ANP32A: variants seen among roughly 807,000 people sequenced by gnomAD.
The protein encoded by ANP32A is acidic nuclear phosphoprotein 32 family member A, also known as acidic leucine-rich nuclear phosphoprotein 32 family member A.
ANP32A carries 1 observed loss-of-function variant against 33.9 expected under a neutral mutation model. The ratio of observed to expected loss-of-function variants is 0.03; its 90% CI spans 0.01 to 0.14. ANP32A has a LOEUF of 0.14. Among genes scored for constraint, ANP32A ranks in the 10% least tolerant of loss-of-function variants. ANP32A has a pLI of 1.00. For missense variants in ANP32A, 155 were observed against 306.0 expected (o/e 0.51, Z 3.68); for synonymous variants, 115 against 120.5 (o/e 0.95, Z 0.30).
At chr15:68,817,192 G>A (rs776296696) in intron 1 of ANP32A, among the ~76,000 whole-genome samples, 4 of 152,194 alleles carry the variant, frequency 2.6e-5, no homozygotes, top group Non-Finnish European at 5.9e-5. Flanking sequence ...GTCAACATCC[G>A]GAGAAAGGCG....
At chr15:68,804,959 C>T (rs1252926695) in intron 1 of ANP32A, among the ~76,000 whole-genome samples, 1 of 152,222 alleles carries the variant, frequency 6.6e-6, no homozygotes, top group Non-Finnish European at 1.5e-5. Context: ...AGGATTCCTG[C>T]TTTTAGATGA....
chr15:68,795,374 C>T (rs557803493), intron 1 of ANP32A, among the ~76,000 whole-genome samples: 1 of 152,258 alleles, frequency 6.6e-6, no homozygotes, highest in Non-Finnish European at 1.5e-5. Flanking sequence ...GCACATGGCC[C>T]GGGGAAGTCG....
intron 1 of ANP32A, among the ~76,000 whole-genome samples, chr15:68,804,856 A>T (rs1894193925): frequency 6.6e-6 from 1 of 152,256 alleles, no homozygotes; most frequent in South Asian, 2.1e-4. Context: ...TGGGCATGAA[A>T]TTATCCAGCC....
chr15:68,807,426 A>AT (rs1256908259), intron 1 of ANP32A, among the ~76,000 whole-genome samples: 3 of 32,936 alleles, frequency 9.1e-5, no homozygotes, highest in Non-Finnish European at 6.3e-4. Flanking sequence ...TCCACAGAAA[A>AT]CGGGGGGGGG....
intron 1 of ANP32A, among the ~76,000 whole-genome samples, chr15:68,813,962 C>T (rs1424431049): frequency 2.0e-5 from 3 of 147,870 alleles, no homozygotes; most frequent in Non-Finnish European, 4.4e-5. Context: ...TTCTGCCTCC[C>T]GGGTTCACGG....
intron 1 of ANP32A, among the ~76,000 whole-genome samples, chr15:68,819,452 G>A (rs1327880309): frequency 6.6e-6 from 1 of 152,204 alleles, no homozygotes; most frequent in Non-Finnish European, 1.5e-5. Flanking sequence ...AGTTTCCTCC[G>A]GCCGTGCTCC....
At chr15:68,782,020 G>A (rs1312406535) in intron 5 of ANP32A, among the ~76,000 whole-genome samples, 1 of 152,216 alleles carries the variant, frequency 6.6e-6, no homozygotes, top group East Asian at 1.9e-4. Context: ...ATCCTCCATT[G>A]AGGGAGACAG....
intron 1 of ANP32A, among the ~76,000 whole-genome samples, chr15:68,788,740 A>G (rs1893964411): frequency 6.6e-6 from 1 of 152,200 alleles, no homozygotes; most frequent in Non-Finnish European, 1.5e-5. Flanking sequence ...GAGAATGGAA[A>G]CCCACAAACT....
chr15:68,817,532 G>A (rs913779649), intron 1 of ANP32A: 5 of 152,564 alleles, frequency 3.3e-5, no homozygotes, highest in Non-Finnish European at 7.3e-5. Context: ...AGAACCTCAT[G>A]TTTAATGTTC....
intron 3 of ANP32A, chr15:68,787,195 G>A (rs1893943786): frequency 1.7e-6 from 1 of 597,554 alleles, no homozygotes. Context: ...TACAATAGCT[G>A]CCCATTCTGT....
chr15:68,779,904 C>T lies in ANP32A; in HGVS notation c.*177G>A, dbSNP rs1361821356. ...TAAAAATAGTATTTTATTCCACCCC[C>T]ACCCGCCATCCCTCCCCCCGCAACC... On this transcript the variant is annotated 3_prime_UTR_variant, in exon 7 of 7. Transcript: ENST00000465139. 3.8e-6 allele frequency: 2 copies of T among 529,408 alleles called. No individual in the cohort carries two copies. The highest frequency in any genetic ancestry group is 6.7e-6 in the Non-Finnish European group (2 of 298,592). 32.8% of individuals were successfully genotyped at this position (529,408 alleles called of 1,614,324 possible). A position where few individuals can be genotyped will look rare whatever the true frequency, so the allele number is the denominator to read the frequency against.
At chr15:68,786,251 G>GC (rs1893931230) in intron 3 of ANP32A, among the ~76,000 whole-genome samples, 1 of 135,644 alleles carries the variant, frequency 7.4e-6, no homozygotes, top group East Asian at 2.2e-4. Context: ...TGCTGCTGCT[G>GC]CTTTTTTTTT....
intron 1 of ANP32A, among the ~76,000 whole-genome samples, chr15:68,816,665 C>T (rs571188811): frequency 1.3e-5 from 2 of 152,164 alleles, no homozygotes; most frequent in South Asian, 2.1e-4. Flanking sequence ...AGGATTATTC[C>T]GTTTTACAGG....
At chr15:68,795,435 C>T (rs1894051589) in intron 1 of ANP32A, among the ~76,000 whole-genome samples, 2 of 152,202 alleles carry the variant, frequency 1.3e-5, no homozygotes, top group South Asian at 2.1e-4. Flanking sequence ...AGCTGAGGCG[C>T]GCTGCAGCGG....
chr15:68,814,311 G>C (rs1368730373), intron 1 of ANP32A, among the ~76,000 whole-genome samples: 5 of 152,142 alleles, frequency 3.3e-5, no homozygotes, highest in African/African-American at 1.2e-4. Flanking sequence ...TGTAATCCCA[G>C]CGCTTTGGGA....
chr15:68,796,445 C>T (rs1214018277), intron 1 of ANP32A, among the ~76,000 whole-genome samples: 1 of 152,162 alleles, frequency 6.6e-6, no homozygotes, highest in Non-Finnish European at 1.5e-5. Flanking sequence ...GAACTCCTGA[C>T]CTCATGTGAT....
At position 68,780,030 on chromosome 15, in the gene ANP32A, G is replaced by A; in HGVS notation, c.*51C>T. On this transcript the variant is annotated 3_prime_UTR_variant, in exon 7 of 7. Coordinates refer to ENST00000465139, the MANE Select transcript of ANP32A (RefSeq NM_006305.4). This position sits in a 1 kb window ranked among gnomAD's most constrained non-coding sequence, Gnocchi z 4.3. ...GGAGGGGGGGGGGAGAGGGGATATG[G>A]GTAAAAACAGTCAAATCACAATAGG... 8.3e-6 allele frequency: 13 copies of A among 1,569,816 alleles called. No individual in the cohort carries two copies. The highest frequency in any genetic ancestry group is 1.1e-5 in the South Asian group (1 of 89,528).
Position 68,780,713 on chromosome 15 carries a change from A to G in ANP32A, c.625-240T>C, listed in dbSNP as rs1596062265. 1.8e-6 allele frequency: 1 copy of G among 555,708 alleles called. No individual in the cohort carries two copies. 34.4% of individuals were successfully genotyped at this position (555,708 alleles called of 1,614,324 possible). On this transcript the variant is annotated intron_variant, in intron 5 of 6. Transcript: ENST00000465139. The surrounding 1 kb of genome is among the most constrained non-coding windows in gnomAD (Gnocchi z 4.3). ...TCCAGAAAATGTCCGTATCATTTATAATATTTGCAAGCAGTTTCAGGGGGT... is the reference window on the plus strand; with the variant it reads ...TCCAGAAAATGTCCGTATCATTTATGATATTTGCAAGCAGTTTCAGGGGGT...
chr15:68,780,314 T>C lies in ANP32A; in HGVS notation c.688+96A>G, dbSNP rs928159221. ...GAATCTGAGGCCTCTGACAGGAGTG[T>C]CCTGCCCACTGCCAGGGGCCTCTGA... is the stretch of plus-strand genomic sequence containing the variant. On this transcript the variant is annotated intron_variant, in intron 6 of 6. Transcript: ENST00000465139. The surrounding 1 kb of genome is among the most constrained non-coding windows in gnomAD (Gnocchi z 4.3). The C allele has an allele frequency of 6.3e-7, 1 of 1,596,786 alleles. No individual in the cohort carries two copies. The highest frequency in any genetic ancestry group is 1.7e-5 in the Admixed American group (1 of 57,392).
Sources: allele counts gnomAD v4.1 joint callset (sites outside exome capture counted in the v4.1 genomes callset), GRCh38; gene constraint gnomAD v4.1.1; non-coding constraint Gnocchi (gnomAD v3.1); transcripts MANE v1.5; gene names NCBI Gene and HGNC (gene_info 2026-07-23, HGNC 2026-07-21).